TNIP3: variants seen among roughly 807,000 people sequenced by gnomAD.
TNIP3 encodes the protein TNFAIP3-interacting protein 3.
Under a neutral mutation model 54.1 loss-of-function variants are expected in TNIP3, and 34 were observed. The observed-to-expected ratio is 0.63, with a 90% CI of 0.48 to 0.84. The LOEUF (loss-of-function observed/expected upper bound fraction) is 0.84, where lower values mean the gene tolerates loss of function less well. Among genes scored for constraint, TNIP3 ranks in the 40% least tolerant of loss-of-function variants. TNIP3 has a pLI of 0.00. For missense variants in TNIP3, 366 were observed against 387.6 expected, an observed-to-expected ratio of 0.94 and a Z score of 0.47; for synonymous variants, 134 against 136.8, an observed-to-expected ratio of 0.98 and a Z score of 0.14.
intron 1 of TNIP3, among the ~76,000 whole-genome samples, chr4:121,226,579 T>G (rs1727268672): frequency 6.6e-6 from 1 of 152,182 alleles, no homozygotes; most frequent in South Asian, 2.1e-4. Flanking sequence ...AACAAAGTTC[T>G]CAGCATTTCA....
intron 9 of TNIP3, among the ~76,000 whole-genome samples, chr4:121,141,379 A>G (rs1337531048): frequency 6.6e-6 from 1 of 152,224 alleles, no homozygotes; most frequent in African/African-American, 2.4e-5. Flanking sequence ...AATCCTTTCA[A>G]TTGGAAAATG....
intron 2 of TNIP3, among the ~76,000 whole-genome samples, chr4:121,184,495 A>C (rs535976979): frequency 4.6e-5 from 7 of 152,280 alleles, no homozygotes; most frequent in Admixed American, 2.0e-4. Context: ...TGAGCTGAGA[A>C]TGAATCATAT....
chr4:121,168,558 T>C (rs1245432184), upstream of TNIP3, among the ~76,000 whole-genome samples: 1 of 150,802 alleles, frequency 6.6e-6, no homozygotes, highest in African/African-American at 2.4e-5. Flanking sequence ...TTATGTTCTG[T>C]AGTACAGGCT....
intron 2 of TNIP3, among the ~76,000 whole-genome samples, chr4:121,185,954 G>A (rs1724992610): frequency 6.6e-6 from 1 of 152,240 alleles, no homozygotes; most frequent in South Asian, 2.1e-4. Context: ...CATGTTAGAA[G>A]CCAGCAGTTA....
intron 9 of TNIP3, among the ~76,000 whole-genome samples, chr4:121,139,843 C>A (rs1729010270): frequency 6.6e-6 from 1 of 152,156 alleles, no homozygotes; most frequent in South Asian, 2.1e-4. Context: ...GTGACGTGAG[C>A]CTCAGTTTTA....
chr4:121,217,159 G>A (rs527853541), upstream of TNIP3, among the ~76,000 whole-genome samples: 1 of 152,272 alleles, frequency 6.6e-6, no homozygotes, highest in African/African-American at 2.4e-5. Flanking sequence ...TATGTCATGG[G>A]ACTTACAGTA....
At position 121,155,267 on chromosome 4, in the gene TNIP3, G is replaced by A. The variant is rs202211582; in HGVS notation, c.364-588C>T. On this transcript the variant is annotated intron_variant, in intron 4 of 10. Transcript: ENST00000057513. ...TCTTACTTTCAATTATCAGACAAAT[G>A]GGTCTGCAGGATAAGCAAGTCCTTA... Among the ~76,000 whole-genome samples the A allele has an allele frequency of 2.3e-4, 35 of 152,234 alleles. No homozygotes were observed. In the East Asian group the frequency reaches 5.8e-3, roughly 25 times the overall value.
chr4:121,182,872 G>T, intron 2 of TNIP3: 1 of 1,420,354 alleles, frequency 7.0e-7, no homozygotes, highest in Non-Finnish European at 9.5e-7. Context: ...TGAGTTTATG[G>T]ATGACATGGA....
At chr4:121,182,389 A>G (rs1724763109) in intron 3 of TNIP3, among the ~76,000 whole-genome samples, 1 of 152,210 alleles carries the variant, frequency 6.6e-6, no homozygotes, top group African/African-American at 2.4e-5. Flanking sequence ...TTGTCCCTGC[A>G]TTAAACATTC....
At chr4:121,219,116 C>T (rs1726927351), upstream of TNIP3, among the ~76,000 whole-genome samples, 1 of 152,100 alleles carries the variant, frequency 6.6e-6, no homozygotes, top group Admixed American at 6.6e-5. Flanking sequence ...AGGAGAATCA[C>T]TTGAACCAAG....
chr4:121,149,109 T>C (rs1729590988), intron 6 of TNIP3, among the ~76,000 whole-genome samples: 1 of 152,206 alleles, frequency 6.6e-6, no homozygotes. Context: ...TTTCAGCAGA[T>C]TGATTAAATT....
intron 2 of TNIP3, among the ~76,000 whole-genome samples, chr4:121,184,173 C>T (rs560607031): frequency 7.2e-5 from 11 of 151,884 alleles, no homozygotes; most frequent in South Asian, 4.2e-4. Context: ...TTTTGCCTGA[C>T]TCATCATATC....
chr4:121,190,786 A>T (rs72913757), intron 2 of TNIP3, among the ~76,000 whole-genome samples: 166 of 152,220 alleles, frequency 1.1e-3, no homozygotes, highest in African/African-American at 3.9e-3. Context: ...CCCCGAACAA[A>T]CTCTCAGAGA....
In TNIP3 at chr4:121,132,542, G is replaced by T; in HGVS notation, c.*89C>A. The T allele has an allele frequency of 7.9e-7, 1 of 1,261,790 alleles. No individual in the cohort carries two copies. The highest frequency in any genetic ancestry group is 1.2e-6 in the Non-Finnish European group (1 of 868,794). 78.2% of individuals were successfully genotyped at this position (1,261,790 alleles called of 1,614,324 possible). A position where few individuals can be genotyped will look rare whatever the true frequency, so the allele number is the denominator to read the frequency against. On this transcript the variant is annotated 3_prime_UTR_variant, in exon 11 of 11. Transcript: ENST00000057513. The stretch of plus-strand genomic sequence containing the variant: ...AACAGGGTAGATGATGTGCCTTTGT[G>T]GCAGAAACAAGCCTCAGTATAAACA...
At chr4:121,146,457 T>C (rs534605081) in intron 7 of TNIP3, among the ~76,000 whole-genome samples, 1 of 152,320 alleles carries the variant, frequency 6.6e-6, no homozygotes, top group East Asian at 1.9e-4. Context: ...ACATCACTAT[T>C]TACCCATCGT....
chr4:121,226,473 C>A (rs1727262713), intron 1 of TNIP3, among the ~76,000 whole-genome samples: 1 of 152,210 alleles, frequency 6.6e-6, no homozygotes, highest in Non-Finnish European at 1.5e-5. Flanking sequence ...CTGATTCAGG[C>A]CTTCCACTGT....
At chr4:121,193,931 AGTGTCAG>A (rs1208003490) in intron 2 of TNIP3, among the ~76,000 whole-genome samples, 3 of 152,308 alleles carry the variant, frequency 2.0e-5, no homozygotes, top group Non-Finnish European at 2.9e-5. Context: ...AATATTCCAG[AGTGTCAG>A]GTCATGAAAG....
At chr4:121,168,801 C>G (rs189664056), upstream of TNIP3, among the ~76,000 whole-genome samples, 10 of 152,204 alleles carry the variant, frequency 6.6e-5, no homozygotes, top group African/African-American at 2.4e-4. Flanking sequence ...CTTTTAATAA[C>G]TTTTTCAAAA....
intron 2 of TNIP3, 24 bp from the exon 3 acceptor site, chr4:121,158,776 A>G: frequency 6.3e-7 from 1 of 1,589,806 alleles, no homozygotes; most frequent in Non-Finnish European, 8.6e-7. Context: ...AATTTGGTGA[A>G]TCAACAAAGA....
Sources: allele counts gnomAD v4.1 joint callset (sites outside exome capture counted in the v4.1 genomes callset), GRCh38; gene constraint gnomAD v4.1.1; transcripts MANE v1.5; gene names NCBI Gene and HGNC (gene_info 2026-07-23, HGNC 2026-07-21).